LAMA2: variants seen among roughly 807,000 people sequenced by gnomAD.
LAMA2 encodes laminin subunit alpha 2, also known as laminin subunit alpha-2.
Under a neutral mutation model 364.8 loss-of-function variants are expected in LAMA2, and 269 were observed. That is an observed-to-expected ratio of 0.74 (90% CI 0.67 to 0.82). LAMA2 has a LOEUF of 0.82. Among genes scored for constraint, LAMA2 ranks in the 40% least tolerant of loss-of-function variants. LAMA2 has a pLI of 0.00. For missense variants in LAMA2, 3,807 were observed against 3,873.2 expected (o/e 0.98, Z 0.45); for synonymous variants, 1,379 against 1,370.6 (o/e 1.01, Z -0.14).
intron 3 of LAMA2, among the ~76,000 whole-genome samples, chr6:129,079,162 C>T (rs1773862134): frequency 1.3e-5 from 2 of 152,076 alleles, no homozygotes; most frequent in African/African-American, 4.8e-5. Flanking sequence ...TTCAGTTACT[C>T]ATGGTAAACT....
intron 3 of LAMA2, among the ~76,000 whole-genome samples, chr6:129,081,704 G>A (rs1273287267): frequency 6.6e-6 from 1 of 152,106 alleles, no homozygotes; most frequent in Non-Finnish European, 1.5e-5. Context: ...TTTTCCTAAG[G>A]AAGAACATTT....
chr6:128,914,008 G>T (rs1182916573), intron 1 of LAMA2, among the ~76,000 whole-genome samples: 1 of 152,082 alleles, frequency 6.6e-6, no homozygotes, highest in Non-Finnish European at 1.5e-5. Flanking sequence ...AAGGATTGTA[G>T]AGAAATGGAG....
At position 129,143,946 on chromosome 6, in the gene LAMA2, T is replaced by C. The variant is rs1778272168; in HGVS notation, c.685T>C (p.Ser229Pro). 3 of 1,611,724 alleles carry C rather than the reference T, an allele frequency of 1.9e-6. No homozygotes were observed. Among genetic ancestry groups the C allele is most frequent in the Non-Finnish European group, 2.5e-6 (3 of 1,178,274 alleles). Residue 229 changes from serine (S) to proline (P), a missense_variant, in exon 5 of 65, where the codon TCT (serine) becomes CCT (proline). By Grantham distance (74) the Ser-to-Pro change is moderately conservative. Around this residue, in one of 3 missense-constraint regions of LAMA2, gnomAD observed 394 missense variants for 403.5 expected, o/e 0.98. Transcript: ENST00000421865. Reference sequence around the variant, plus strand: ...TGGGAGACCAAGTGCCGATGATCCTTCTCCAGAACTGCTAGAATTTACCTC... The same window carrying C: ...TGGGAGACCAAGTGCCGATGATCCTCCTCCAGAACTGCTAGAATTTACCTC... The part of the protein sequence containing the change: ...INGRPSADDP[S>P]PELLEFTSAR...
At chr6:128,927,737 G>A (rs1779187077) in intron 1 of LAMA2, among the ~76,000 whole-genome samples, 1 of 151,702 alleles carries the variant, frequency 6.6e-6, no homozygotes, top group Non-Finnish European at 1.5e-5. Context: ...AGTGAGCAAG[G>A]TCTTGATTCT....
chr6:129,053,426 G>C (rs1000259412), intron 2 of LAMA2, among the ~76,000 whole-genome samples: 3 of 152,114 alleles, frequency 2.0e-5, no homozygotes, highest in African/African-American at 7.2e-5. Context: ...GGGGAGTATA[G>C]TTGCATACCC....
At chr6:129,312,235 C>T (rs1774273991) in intron 22 of LAMA2, among the ~76,000 whole-genome samples, 1 of 151,768 alleles carries the variant, frequency 6.6e-6, no homozygotes, top group African/African-American at 2.4e-5. Context: ...GTGTATACAT[C>T]TTGGGCGAAG....
intron 1 of LAMA2, among the ~76,000 whole-genome samples, chr6:128,990,762 T>G (rs778199132): frequency 5.9e-5 from 9 of 152,218 alleles, no homozygotes; most frequent in Non-Finnish European, 1.2e-4. Context: ...TGTGTGGGTG[T>G]GTGTGTGTGC....
intron 34 of LAMA2, among the ~76,000 whole-genome samples, chr6:129,382,508 G>C (rs1778749713): frequency 6.6e-6 from 1 of 152,142 alleles, no homozygotes; most frequent in South Asian, 2.1e-4. Context: ...GCATGATTCT[G>C]TGATTAACAA....
rs185305772 is a variant in LAMA2 at position 129,037,346 on chromosome 6, G to T, written c.113-12572G>T. On this transcript the variant is annotated intron_variant, in intron 1 of 64. Transcript: ENST00000421865. ...AGAGAGACAGAGACAGAAAGGATAA[G>T]GATCAGCCATGTATTATTGTAAACA... Among the ~76,000 whole-genome samples, 3 of 152,194 alleles carry T rather than the reference G, an allele frequency of 2.0e-5. No individual in the cohort carries two copies. The East Asian group carries it at 5.8e-4, about 29-fold the overall frequency.
At chr6:129,395,815 A>T (rs749202186) in intron 37 of LAMA2, among the ~76,000 whole-genome samples, 1 of 152,222 alleles carries the variant, frequency 6.6e-6, no homozygotes, top group Non-Finnish European at 1.5e-5. Flanking sequence ...AAAGAGAAGA[A>T]CATTTCAGAA....
intron 5 of LAMA2, among the ~76,000 whole-genome samples, chr6:129,145,997 T>C (rs1469847096): frequency 6.6e-6 from 1 of 151,690 alleles, no homozygotes; most frequent in Non-Finnish European, 1.5e-5. Context: ...AAGGTCTAGG[T>C]ATATCAAATA....
intron 28 of LAMA2, among the ~76,000 whole-genome samples, chr6:129,327,726 T>C (rs2114531265): frequency 6.6e-6 from 1 of 152,300 alleles, no homozygotes; most frequent in Non-Finnish European, 1.5e-5. Context: ...AAGAAAAAAA[T>C]TATATCAGGG....
intron 14 of LAMA2, among the ~76,000 whole-genome samples, chr6:129,254,123 G>A (rs147671190): frequency 4.3e-4 from 66 of 152,218 alleles, no homozygotes; most frequent in African/African-American, 1.5e-3. Context: ...GTAGGCTTTC[G>A]ACTTGGTATA....
In LAMA2 at chr6:129,408,151, G is replaced by A. The variant is rs573930499; in HGVS notation, c.5865+4192G>A. Among the ~76,000 whole-genome samples, 6 of 152,266 alleles carry A rather than the reference G, an allele frequency of 3.9e-5. No homozygotes were observed. The East Asian group carries it at 9.7e-4, about 25-fold the overall frequency. ...AGTGGGTCACTAGTGGTGATGGTGA[G>A]TGGTGCCACTTCCGCTTCCACCCCT... On this transcript the variant is annotated intron_variant, in intron 40 of 64. Transcript: ENST00000421865.
intron 1 of LAMA2, among the ~76,000 whole-genome samples, chr6:129,012,044 C>G (rs1784799435): frequency 6.6e-6 from 1 of 152,158 alleles, no homozygotes; most frequent in South Asian, 2.1e-4. Flanking sequence ...CTACTCAGGA[C>G]TCCATTGTAA....
chr6:129,078,492 T>C (rs1056593533), intron 3 of LAMA2, among the ~76,000 whole-genome samples: 10 of 151,990 alleles, frequency 6.6e-5, no homozygotes, highest in Non-Finnish European at 1.3e-4. Context: ...CCCTAAAAAA[T>C]AAAATATTAA....
intron 1 of LAMA2, among the ~76,000 whole-genome samples, chr6:129,017,538 T>C (rs1785155326): frequency 6.6e-6 from 1 of 151,998 alleles, no homozygotes; most frequent in Non-Finnish European, 1.5e-5. Flanking sequence ...AGCAAAGTTT[T>C]ATTGATCTTA....
rs114358824 is a variant in LAMA2 at position 128,951,347 on chromosome 6, A to G, written c.112+67990A>G. Among the ~76,000 whole-genome samples, 697 of 152,304 alleles carry G rather than the reference A, an allele frequency of 4.6e-3. 8 individuals are homozygous for G. Among genetic ancestry groups the G allele is most frequent in the African/African-American group, 0.016 (659 of 41,568 alleles). On this transcript the variant is annotated intron_variant, in intron 1 of 64. Transcript: ENST00000421865. ...AGGGCCTGTCATAGATAAATCCTCAATGAAGGGTAACTGTTACTAAAAGGA... is the reference window on the plus strand; with the variant it reads ...AGGGCCTGTCATAGATAAATCCTCAGTGAAGGGTAACTGTTACTAAAAGGA...
At chr6:129,243,451 T>C (rs1346191380) in intron 12 of LAMA2, among the ~76,000 whole-genome samples, 2 of 152,054 alleles carry the variant, frequency 1.3e-5, no homozygotes, top group Non-Finnish European at 2.9e-5. Flanking sequence ...TTGTCTAGGC[T>C]GTATTTTATG....
Sources: gnomAD v4.1 joint callset for allele counts (sites outside exome capture counted in the v4.1 genomes callset) on GRCh38, gnomAD v4.1.1 for gene constraint, gnomAD v4.1.1 regional missense constraint, MANE v1.5 for transcripts, NCBI Gene and HGNC (gene_info 2026-07-23, HGNC 2026-07-21) for gene names.